ICE2: variants seen among roughly 807,000 people sequenced by gnomAD.
ICE2 encodes the protein interactor of little elongation complex ELL subunit 2.
A neutral mutation model predicts 105.4 loss-of-function variants in ICE2; 87 were observed. The observed-to-expected ratio is 0.83, with a 90% CI of 0.69 to 0.99. ICE2 has a LOEUF of 0.99. Among genes scored for constraint, ICE2 ranks in the 50% least tolerant of loss-of-function variants. The probability of loss-of-function intolerance (pLI) is 0.00; values close to 1 mark genes in which losing one functional copy is unlikely to be tolerated. For synonymous variants in ICE2, 399 were observed against 392.0 expected (o/e 1.02, Z -0.21); for missense variants, 1,323 against 1,146.7 (o/e 1.15, Z -2.22).
In ICE2 at chr15:60,449,802, G is replaced by C. The variant is rs574882110; in HGVS notation, c.1165C>G (p.Leu389Val). The part of the protein sequence containing the change: ...EVNECRKIES[L>V]ENLYLDFDDD... ...TCAAAATCCAAATACAAGTTTTCAA[G>C]ACTCTCAATTTTTCGGCACTCGTTG... Residue 389 changes from leucine to valine, a missense_variant, in exon 10 of 16, where the codon CTT (leucine) becomes GTT (valine). Physicochemically the swap from Leu to Val is conservative, Grantham distance 32. Coordinates refer to ENST00000261520, the MANE Select transcript of ICE2 (RefSeq NM_024611.6). The C allele has an allele frequency of 1.2e-6, 2 of 1,613,596 alleles. No individual in the cohort carries two copies. The highest frequency in any genetic ancestry group is 1.1e-5 in the South Asian group (1 of 90,974).
chr15:60,421,576 T>G lies in ICE2; in HGVS notation c.*2058A>C, dbSNP rs1179718354. ...ATATTTAAAAATTAAAAGGCAAGTC[T>G]TTCTGGTATTCAGAAGTCTGAAGCA... On this transcript the variant is annotated 3_prime_UTR_variant, in exon 16 of 16. Transcript: ENST00000261520. 1 of 152,246 alleles carries G rather than the reference T, an allele frequency of 6.6e-6. No individual in the cohort carries two copies. Among genetic ancestry groups the G allele is most frequent in the East Asian group, 1.9e-4 (1 of 5,204 alleles). The allele number at this position is 152,246 out of a possible 1,614,324, so 9.4% of individuals were successfully genotyped here.
intron 11 of ICE2, among the ~76,000 whole-genome samples, chr15:60,443,987 G>A (rs2063772197): frequency 6.6e-6 from 1 of 152,020 alleles, no homozygotes; most frequent in Admixed American, 6.6e-5. Flanking sequence ...TACAGTTCTA[G>A]TTACTCAGGA....
At chr15:60,475,999 A>G (rs1170789036) in intron 3 of ICE2, 64 bp downstream of exon 3, 5 of 1,110,488 alleles carry the variant, frequency 4.5e-6, no homozygotes, top group Admixed American at 2.5e-5. Flanking sequence ...GATACACATA[A>G]AACTTCAACT....
At chr15:60,468,506 T>C (rs2064493513) in intron 3 of ICE2, among the ~76,000 whole-genome samples, 184 bp from the exon 4 acceptor site, 1 of 152,214 alleles carries the variant, frequency 6.6e-6, no homozygotes, top group Non-Finnish European at 1.5e-5. Context: ...AAGTATTCTG[T>C]GGCATATGAT....
chr15:60,475,083 C>A (rs140006082), intron 3 of ICE2, among the ~76,000 whole-genome samples: 2 of 152,170 alleles, frequency 1.3e-5, no homozygotes, highest in African/African-American at 4.8e-5. Flanking sequence ...TGGGGAGATA[C>A]GTTTCCTCCA....
rs184685774 is a variant in ICE2, at chr15:60,430,785, A to G, written c.2561+1149T>C. On this transcript the variant is annotated intron_variant, in intron 14 of 15. Transcript: ENST00000261520. The stretch of plus-strand genomic sequence containing the variant: ...AGGGCATAAGAGAAGGAATGCAAAC[A>G]TTCATATAACAAAACAGTTTGGCAA... Among the ~76,000 whole-genome samples, 498 of 152,344 alleles carry G rather than the reference A, an allele frequency of 3.3e-3. 3 individuals are homozygous for G. Among genetic ancestry groups the G allele is most frequent in the African/African-American group, 0.011 (470 of 41,590 alleles).
chr15:60,423,762 T>A lies in ICE2; in HGVS notation c.2821A>T (p.Ile941Phe), dbSNP rs767356519. 19 of 1,584,340 alleles carry A rather than the reference T, an allele frequency of 1.2e-5. No homozygotes were observed. The East Asian group carries it at 4.3e-4, about 36-fold the overall frequency. ...CGTGTAGGCATTCTCGTTCCACCAA[T>A]CTAAGAGATGAAGCAGAGAACAGAA... ...KSLDTTTQQK[I>F]GGTRMPTRSH... is the part of the protein sequence containing the mutation. Residue 941 changes from isoleucine (I) to phenylalanine (F), a missense_variant and splice_region_variant, in exon 16 of 16, where the codon ATT (isoleucine) becomes TTT (phenylalanine). Coordinates refer to ENST00000261520, the MANE Select transcript of ICE2 (RefSeq NM_024611.6).
At chr15:60,436,720 C>CAAAAAAAAAA (rs58594280) in intron 12 of ICE2, among the ~76,000 whole-genome samples, 15 of 88,008 alleles carry the variant, frequency 1.7e-4, no homozygotes, top group Non-Finnish European at 2.6e-4. Context: ...GACTCTGTCT[C>CAAAAAAAAAA]AAAAAAAAAA....
chr15:60,435,814 A>G (rs914217865), intron 13 of ICE2, among the ~76,000 whole-genome samples: 1 of 152,104 alleles, frequency 6.6e-6, no homozygotes, highest in Non-Finnish European at 1.5e-5. Context: ...CGTCTCCACA[A>G]AAAATACAAA....
At position 60,449,508 on chromosome 15, in the gene ICE2, G is replaced by A; in HGVS notation, c.1459C>T (p.Gln487Ter). Reference protein sequence around the residue: ...GPEECKNKDDQGFESCEKVSN... With the variant: ...GPEECKNKDD Reference sequence around the variant, plus strand: ...ACCTTTTCACATGATTCAAATCCCTGATCATCTTTATTTTTGCATTCCTCA... The same window carrying A: ...ACCTTTTCACATGATTCAAATCCCTAATCATCTTTATTTTTGCATTCCTCA... Residue 487 changes from glutamine (Q) to a stop codon, truncating the protein, a stop_gained, in exon 10 of 16, where the codon CAG becomes TAG. Transcript: ENST00000261520. LOFTEE classifies it high-confidence loss of function. The A allele has an allele frequency of 5.0e-6, 8 of 1,614,096 alleles. No individual in the cohort carries two copies. Among genetic ancestry groups the A allele is most frequent in the Non-Finnish European group, 6.8e-6 (8 of 1,179,990 alleles).
intron 9 of ICE2, chr15:60,451,549 T>A (rs557344605): frequency 1.0e-6 from 1 of 981,698 alleles, no homozygotes; most frequent in Non-Finnish European, 1.2e-6. Context: ...ATTAGACTAA[T>A]AGACATTAAG....
Position 60,420,829 on chromosome 15 carries a change from T to G in ICE2, c.*2805A>C, listed in dbSNP as rs900284980. 1.3e-5 allele frequency: 2 copies of G among 152,086 alleles called. No homozygotes were observed. The highest frequency in any genetic ancestry group is 1.3e-4 in the Admixed American group (2 of 15,276). The allele number at this position is 152,086 out of a possible 1,614,324, so 9.4% of individuals were successfully genotyped here. On this transcript the variant is annotated 3_prime_UTR_variant, in exon 16 of 16. Coordinates refer to ENST00000261520, the MANE Select transcript of ICE2 (RefSeq NM_024611.6). ...CAGTATAGTGTCTTCCACTAGAATG[T>G]GATCTCCTGAAAAAAAAAATCTTTG...
intron 4 of ICE2, among the ~76,000 whole-genome samples, chr15:60,467,557 C>T (rs1395168091): frequency 1.3e-5 from 2 of 152,070 alleles, no homozygotes; most frequent in Admixed American, 6.5e-5. Flanking sequence ...TTTTTCAAAA[C>T]CTGTCATACA....
intron 9 of ICE2, 196 bp downstream of exon 9, chr15:60,453,407 G>A (rs2064014468): frequency 4.4e-6 from 6 of 1,353,488 alleles, no homozygotes; most frequent in Non-Finnish European, 5.7e-6. Context: ...TTCCTTTCAT[G>A]TATGAAAGGA....
chr15:60,443,714 G>T (rs2063766908), intron 11 of ICE2, among the ~76,000 whole-genome samples: 1 of 152,082 alleles, frequency 6.6e-6, no homozygotes, highest in South Asian at 2.1e-4. Context: ...TACCAATAAA[G>T]CATTTTACTA....
chr15:60,420,282 C>A lies in ICE2; in HGVS notation c.*3352G>T, dbSNP rs2063230114. The A allele has an allele frequency of 6.6e-6, 1 of 152,134 alleles. No individual in the cohort carries two copies. The highest frequency in any genetic ancestry group is 1.5e-5 in the Non-Finnish European group (1 of 68,022). 9.4% of individuals were successfully genotyped at this position (152,134 alleles called of 1,614,324 possible). On this transcript the variant is annotated 3_prime_UTR_variant, in exon 16 of 16. Coordinates refer to ENST00000261520, the MANE Select transcript of ICE2 (RefSeq NM_024611.6). ...CAGAAGCCATACTTTACTCTCCTTA[C>A]CAACAACAAAACTGAGTTGTCATTT...
intron 5 of ICE2, among the ~76,000 whole-genome samples, chr15:60,462,868 A>G (rs1005787284): frequency 1.3e-5 from 2 of 152,182 alleles, no homozygotes; most frequent in Non-Finnish European, 2.9e-5. Flanking sequence ...AATCTACTCA[A>G]GTTGAAGATA....
chr15:60,476,063 C>A lies in ICE2; in HGVS notation c.146G>T (p.Arg49Ile). 1 of 1,560,600 alleles carries A rather than the reference C, an allele frequency of 6.4e-7. No individual in the cohort carries two copies. The highest frequency in any genetic ancestry group is 1.9e-5 in the Admixed American group (1 of 51,830). The change falls in exon 3 of 16, where the codon AGA (arginine) becomes ATA (isoleucine). Residue 49 changes from arginine (R) to isoleucine (I), a missense_variant and splice_region_variant. Transcript: ENST00000261520. ...ATAAATAACCAAATAAACATATTAC[C>A]TGTTGGATAAAACACGTAGTTCTTT... The part of the protein sequence containing the change: ...SLKELRVLSN[R>I]RIGENLNASA...
At chr15:60,440,725 G>A (rs954968044) in intron 12 of ICE2, 6 of 152,034 alleles carry the variant, frequency 3.9e-5, no homozygotes, top group Non-Finnish European at 5.9e-5. Context: ...AATTAAAAGA[G>A]TATTATAACA....
Sources: gnomAD v4.1 joint callset for allele counts (sites outside exome capture counted in the v4.1 genomes callset) on GRCh38, gnomAD v4.1.1 for gene constraint, MANE v1.5 for transcripts, NCBI Gene and HGNC (gene_info 2026-07-23, HGNC 2026-07-21) for gene names.